Variants in KIF19 observed in about 807,000 individuals in gnomAD.
KIF19 encodes kinesin family member 19.
KIF19 carries 98 observed loss-of-function variants against 106.6 expected under a neutral mutation model. The ratio of observed to expected loss-of-function variants is 0.92; its 90% confidence interval spans 0.78 to 1.09. The LOEUF (loss-of-function observed/expected upper bound fraction) is 1.09. Ranked by LOEUF, KIF19 falls within the 50% of genes least tolerant of loss-of-function variation. KIF19 has a pLI of 0.00. For synonymous variants in KIF19, 516 were observed against 584.2 expected, an observed-to-expected ratio of 0.88 and a Z score of 1.68; for missense variants, 1,373 against 1,414.3, an observed-to-expected ratio of 0.97 and a Z score of 0.47.
At chr17:74,347,650 G>A in intron 8 of KIF19, 127 bp from the exon 9 acceptor site, 1 of 1,103,544 alleles carries the variant, frequency 9.1e-7, no homozygotes, top group Non-Finnish European at 1.3e-6. Flanking sequence ...ATGACGCTCA[G>A]CAGCCGGGTC....
At position 74,331,328 on chromosome 17, in the gene KIF19, T is replaced by C. The variant is rs113331932; in HGVS notation, c.120+2823T>C. 0.018 allele frequency among the ~76,000 whole-genome samples: 2,711 copies of C among 152,164 alleles called. 85 individuals are homozygous for C. Among genetic ancestry groups the C allele is most frequent in the African/African-American group, 0.062 (2,571 of 41,488 alleles). On this transcript the variant is annotated intron_variant, in intron 2 of 19. Transcript: ENST00000389916. This position sits in a 1 kb window ranked among gnomAD's most constrained non-coding sequence, Gnocchi z 4.1. ...TGGACAGGTGGGTGTATTTGGGAGC[T>C]GAGCCAGGACATGTTCGTCCTGAGT...
At chr17:74,330,690 C>A (rs2054053347) in intron 2 of KIF19, among the ~76,000 whole-genome samples, 1 of 152,248 alleles carries the variant, frequency 6.6e-6, no homozygotes, top group African/African-American at 2.4e-5. Flanking sequence ...ACACTGGTTC[C>A]TTTCTATCCC....
In KIF19 at chr17:74,354,786, C is replaced by G; in HGVS notation, c.2711C>G (p.Ser904Cys). Residue 904 changes from serine (S) to cysteine (C), a missense_variant, in exon 19 of 20, where the codon TCC (serine) becomes TGC (cysteine). Around this residue, in one of 3 missense-constraint regions of KIF19, gnomAD observed 1,020 missense variants for 1,008.2 expected, o/e 1.01. Coordinates refer to ENST00000389916, the MANE Select transcript of KIF19 (RefSeq NM_153209.4). The part of the protein sequence containing the change: ...RSFEVTGQGL[S>C]HPKTHLLGPH... ...CCCACTGTTCAACCATCACAGCTCT[C>G]CCACCCCAAGACACACCTCCTGGGG... is the stretch of plus-strand genomic sequence containing the variant. 2 of 1,556,030 alleles carry G rather than the reference C, an allele frequency of 1.3e-6. No homozygotes were observed. Among genetic ancestry groups the G allele is most frequent in the Non-Finnish European group, 1.7e-6 (2 of 1,149,434 alleles).
rs759354531 is a variant in KIF19 at position 74,355,350 on chromosome 17, A to G, written c.*38A>G. On this transcript the variant is annotated 3_prime_UTR_variant, in exon 20 of 20. Coordinates refer to ENST00000389916, the MANE Select transcript of KIF19 (RefSeq NM_153209.4). Reference sequence around the variant, plus strand: ...GGAACTGGCTCTCTCACCTCCCAAGACTGAATGGGGTCTAGCAGGGCATGG... The same window carrying G: ...GGAACTGGCTCTCTCACCTCCCAAGGCTGAATGGGGTCTAGCAGGGCATGG... 36 of 1,564,874 alleles carry G rather than the reference A, an allele frequency of 2.3e-5. No individual in the cohort carries two copies. In the South Asian group the frequency reaches 2.9e-4, roughly 13 times the overall value.
chr17:74,332,460 TC>T (rs1406580482), intron 2 of KIF19, among the ~76,000 whole-genome samples: 2 of 151,788 alleles, frequency 1.3e-5, no homozygotes, highest in African/African-American at 4.8e-5. Context: ...TCTCCTCCAA[TC>T]CCCCATCCCT....
chr17:74,338,225 G>A (rs1277738331), intron 2 of KIF19, among the ~76,000 whole-genome samples: 1 of 152,262 alleles, frequency 6.6e-6, no homozygotes, highest in Non-Finnish European at 1.5e-5. Flanking sequence ...GATGAGAGCG[G>A]GAGCAGCTGG....
Position 74,331,013 on chromosome 17 carries a change from G to A in KIF19, c.120+2508G>A, listed in dbSNP as rs1436510673. On this transcript the variant is annotated intron_variant, in intron 2 of 19. Coordinates refer to ENST00000389916, the MANE Select transcript of KIF19 (RefSeq NM_153209.4). This position sits in a 1 kb window ranked among gnomAD's most constrained non-coding sequence, Gnocchi z 4.1. ...TAGGAGCAGCCATAACTGCCAGGCTGGGACCCTTCTAGTAACAAACACTGT... is the reference window on the plus strand; with the variant it reads ...TAGGAGCAGCCATAACTGCCAGGCTAGGACCCTTCTAGTAACAAACACTGT... Among the ~76,000 whole-genome samples the A allele has an allele frequency of 6.6e-6, 1 of 152,184 alleles. No individual in the cohort carries two copies. The highest frequency in any genetic ancestry group is 1.5e-5 in the Non-Finnish European group (1 of 68,036).
At position 74,353,272 on chromosome 17, in the gene KIF19, A is replaced by C; in HGVS notation, c.2191A>C (p.Ile731Leu). The change falls in exon 16 of 20, where the codon ATC (isoleucine) becomes CTC (leucine). Residue 731 changes from isoleucine to leucine, a missense_variant. Physicochemically the swap from Ile to Leu is conservative, Grantham distance 5. Transcript: ENST00000389916. ...KSSSVPTPPP[I>L]QLGSLVTQEA... ...CTCCTCTGTGCCCACCCCACCTCCC[A>C]TCCAGCTCGGCAGCCTGGTGACGCA... The C allele has an allele frequency of 6.3e-7, 1 of 1,578,110 alleles. No homozygotes were observed. Among genetic ancestry groups the C allele is most frequent in the Non-Finnish European group, 8.6e-7 (1 of 1,162,722 alleles).
chr17:74,347,999 C>A, intron 9 of KIF19, 100 bp downstream of exon 9: 2 of 1,366,060 alleles, frequency 1.5e-6, no homozygotes, highest in Non-Finnish European at 2.0e-6. Context: ...CTGGAACCAG[C>A]CACTGCTGCA....
Position 74,346,408 on chromosome 17 carries a change from G to A in KIF19, c.808G>A (p.Gly270Arg), listed in dbSNP as rs1199431401. 1 of 1,576,022 alleles carries A rather than the reference G, an allele frequency of 6.3e-7. No homozygotes were observed. The highest frequency in any genetic ancestry group is 8.6e-7 in the Non-Finnish European group (1 of 1,161,132). Reference sequence around the variant, plus strand: ...GAATCGTGGGCAGCGTATGAAGGAGGGGGCCCACATCAACCGCTCACTGCT... The same window carrying A: ...GAATCGTGGGCAGCGTATGAAGGAGAGGGCCCACATCAACCGCTCACTGCT... ...TQNRGQRMKE[G>R]AHINRSLLAL... is the part of the protein sequence containing the mutation. Residue 270 changes from glycine to arginine, a missense_variant, in exon 8 of 20, where the codon GGG (glycine) becomes AGG (arginine). Physicochemically the swap from Gly to Arg is moderately radical, Grantham distance 125. Coordinates refer to ENST00000389916, the MANE Select transcript of KIF19 (RefSeq NM_153209.4). This position sits in a 1 kb window ranked among gnomAD's most constrained non-coding sequence, Gnocchi z 4.6.
At position 74,354,471 on chromosome 17, in the gene KIF19, A is replaced by G; in HGVS notation, c.2618A>G (p.Lys873Arg). 6.2e-7 allele frequency: 1 copy of G among 1,609,360 alleles called. No individual in the cohort carries two copies. Among genetic ancestry groups the G allele is most frequent in the Non-Finnish European group, 8.5e-7 (1 of 1,178,360 alleles). ...DGPRPWLRGQ[K>R]KSLGKKREES... ...CCCAGGCCCTGGCTGCGTGGCCAGAAGAAAAGCCTGGGCAAGAAAAGGGAG... is the reference window on the plus strand; with the variant it reads ...CCCAGGCCCTGGCTGCGTGGCCAGAGGAAAAGCCTGGGCAAGAAAAGGGAG... The change falls in exon 18 of 20, where the codon AAG (lysine) becomes AGG (arginine). Residue 873 changes from lysine to arginine, a missense_variant. Coordinates refer to ENST00000389916, the MANE Select transcript of KIF19 (RefSeq NM_153209.4).
chr17:74,355,659 A>ACGTGTGGGGCACGGGGCTCCTGGCCCC lies in KIF19; in HGVS notation c.*362_*363insGCTCCTGGCCCCCGTGTGGGGCACGGG, dbSNP rs1224639739. ...GACAGTGAGACGGGGCTCCTGGCCC[A>ACGTGTGGGGCACGGGGCTCCTGGCCCC]CGTGTGGGGCACGGGCATCCTGGAT... is the stretch of plus-strand genomic sequence containing the variant. On this transcript the variant is annotated 3_prime_UTR_variant, in exon 20 of 20. Coordinates refer to ENST00000389916, the MANE Select transcript of KIF19 (RefSeq NM_153209.4). 1.9e-5 allele frequency: 4 copies of ACGTGTGGGGCACGGGGCTCCTGGCCCC among 206,682 alleles called. No individual in the cohort carries two copies. Among genetic ancestry groups the ACGTGTGGGGCACGGGGCTCCTGGCCCC allele is most frequent in the African/African-American group, 9.1e-5 (4 of 43,876 alleles). 12.8% of individuals were successfully genotyped at this position (206,682 alleles called of 1,614,324 possible). A position where few individuals can be genotyped will look rare whatever the true frequency, so the allele number is the denominator to read the frequency against.
intron 10 of KIF19, among the ~76,000 whole-genome samples, chr17:74,349,757 TA>T (rs889939159): frequency 2.4e-4 from 37 of 151,562 alleles, no homozygotes; most frequent in African/African-American, 7.3e-4. Context: ...AAGCTTTTTT[TA>T]AAAAAAAATT....
chr17:74,347,322 A>C (rs9783811), intron 8 of KIF19, among the ~76,000 whole-genome samples: 1 of 152,100 alleles, frequency 6.6e-6, no homozygotes, highest in Non-Finnish European at 1.5e-5. Flanking sequence ...GGATCACTTA[A>C]GGTCAGGAGT....
At position 74,344,926 on chromosome 17, in the gene KIF19, G is replaced by A. The variant is rs1274173691; in HGVS notation, c.748G>A (p.Asp250Asn). 1 of 1,609,724 alleles carries A rather than the reference G, an allele frequency of 6.2e-7. No homozygotes were observed. Among genetic ancestry groups the A allele is most frequent in the East Asian group, 2.2e-5 (1 of 44,842 alleles). The change falls in exon 7 of 20, where the codon GAC becomes AAC. Residue 250 changes from aspartate to asparagine, a missense_variant. Physicochemically the swap from Asp to Asn is conservative, Grantham distance 23 (BLOSUM62 1). Around this residue, in one of 3 missense-constraint regions of KIF19, gnomAD observed 348 missense variants for 389.5 expected, o/e 0.89. Coordinates refer to ENST00000389916, the MANE Select transcript of KIF19 (RefSeq NM_153209.4). ...EVRQGRLFMI[D>N]LAGSERASQT... ...GCGGCAGGGCCGCCTGTTCATGATC[G>A]ACCTGGCTGGCTCAGAGCGCGCCTC...
At position 74,344,267 on chromosome 17, in the gene KIF19, C is replaced by T; in HGVS notation, c.501C>T (p.Gly167=). ...MIRDLLNPSL[G]YLELREDSKG... The stretch of plus-strand genomic sequence containing the variant: ...GGGACCTGCTGAACCCCTCCCTGGG[C>T]TACCTGGAGCTGCGGGAGGACTCTA... The change falls in exon 6 of 20, where the codon GGC becomes GGT. Residue 167 remains glycine, a synonymous_variant. Coordinates refer to ENST00000389916, the MANE Select transcript of KIF19 (RefSeq NM_153209.4). 1 of 1,613,098 alleles carries T rather than the reference C, an allele frequency of 6.2e-7. No individual in the cohort carries two copies. Among genetic ancestry groups the T allele is most frequent in the Non-Finnish European group, 8.5e-7 (1 of 1,179,770 alleles).
intron 10 of KIF19, among the ~76,000 whole-genome samples, chr17:74,349,809 T>A (rs2054644949): frequency 6.6e-6 from 1 of 152,142 alleles, no homozygotes; most frequent in Non-Finnish European, 1.5e-5. Context: ...AGATTTTTTT[T>A]TTTTTTTGAG....
intron 4 of KIF19, 147 bp downstream of exon 4, chr17:74,342,864 C>T (rs2054420697): frequency 8.3e-7 from 1 of 1,201,252 alleles, no homozygotes; most frequent in East Asian, 2.6e-5. Flanking sequence ...CCAGAGGCCC[C>T]AACCCGAGCC....
At position 74,347,880 on chromosome 17, in the gene KIF19, C is replaced by A; in HGVS notation, c.1028C>A (p.Ala343Asp). 6.3e-7 allele frequency: 1 copy of A among 1,583,360 alleles called. No homozygotes were observed. Among genetic ancestry groups the A allele is most frequent in the Non-Finnish European group, 8.6e-7 (1 of 1,165,290 alleles). Residue 343 changes from alanine to aspartate, a missense_variant, in exon 9 of 20, where the codon GCC (alanine) becomes GAC (aspartate). Ala to Asp is a moderately radical substitution (Grantham distance 126). This residue lies in a region of KIF19 where 1,020 missense variants were observed against 1,008.2 expected (regional missense o/e 1.01). Coordinates refer to ENST00000389916, the MANE Select transcript of KIF19 (RefSeq NM_153209.4). ...SRNTLTYAGRAKNIKTRVKQN... is the reference protein window; with the variant it reads ...SRNTLTYAGRDKNIKTRVKQN... Reference sequence around the variant, plus strand: ...AACACCCTGACCTACGCCGGCCGGGCCAAGAACATTAAGACTAGGGTGAGG... The same window carrying A: ...AACACCCTGACCTACGCCGGCCGGGACAAGAACATTAAGACTAGGGTGAGG...
Sources: allele counts gnomAD v4.1 joint callset (sites outside exome capture counted in the v4.1 genomes callset), GRCh38; gene constraint gnomAD v4.1.1; regional missense constraint gnomAD v4.1.1; non-coding constraint Gnocchi (gnomAD v3.1); transcripts MANE v1.5; gene names NCBI Gene and HGNC (gene_info 2026-07-23, HGNC 2026-07-21).